PHF14: variants seen among roughly 807,000 people sequenced by gnomAD.
PHF14 encodes the protein PHD finger protein 14.
Under a neutral mutation model 117.9 loss-of-function variants are expected in PHF14, and 55 were observed. That is an observed-to-expected ratio of 0.47 (90% CI 0.38 to 0.58). PHF14 has a LOEUF of 0.58. Ranked by LOEUF, PHF14 falls within the 20% of genes least tolerant of loss-of-function variation. PHF14 has a pLI of 0.00. For missense variants in PHF14, 978 were observed against 1,122.2 expected (o/e 0.87, Z 1.84); for synonymous variants, 409 against 368.6 (o/e 1.11, Z -1.26).
intron 2 of PHF14, among the ~76,000 whole-genome samples, chr7:10,978,172 A>C (rs17163856): frequency 0.11 from 16,979 of 152,230 alleles, 1,169 homozygotes; most frequent in African/African-American, 0.2. Context: ...GACTTTGAAT[A>C]AGTGGACCAA....
At chr7:11,071,996 G>C (rs1785628339) in intron 16 of PHF14, among the ~76,000 whole-genome samples, 1 of 152,192 alleles carries the variant, frequency 6.6e-6, no homozygotes, top group Non-Finnish European at 1.5e-5. Flanking sequence ...TAAAATGAAT[G>C]ATTAAGTATG....
chr7:10,996,521 A>T (rs1002443664), intron 4 of PHF14, among the ~76,000 whole-genome samples: 1 of 152,212 alleles, frequency 6.6e-6, no homozygotes, highest in African/African-American at 2.4e-5. Flanking sequence ...TAATGTTTTT[A>T]AGAGTGGGAA....
At chr7:11,052,670 G>C (rs1213114088) in intron 14 of PHF14, among the ~76,000 whole-genome samples, 2 of 152,146 alleles carry the variant, frequency 1.3e-5, no homozygotes, top group Non-Finnish European at 2.9e-5. Context: ...AGGGAAAATA[G>C]TATCTTGACA....
rs1209715416 is a variant in PHF14 at position 11,078,884 on chromosome 7, G to A, written c.2654+16799G>A. On this transcript the variant is annotated intron_variant, in intron 16 of 17. Transcript: ENST00000634607. ...CTTTCTGTAAAACAAAGTAAATTGA[G>A]CTTTTAAATGGACTAAAATATGTAG... Among the ~76,000 whole-genome samples the A allele has an allele frequency of 5.9e-5, 9 of 152,120 alleles. No homozygotes were observed. In the East Asian group the frequency reaches 1.2e-3, roughly 20 times the overall value.
chr7:11,028,186 C>T (rs1183090630), intron 6 of PHF14, among the ~76,000 whole-genome samples: 6 of 152,128 alleles, frequency 3.9e-5, no homozygotes, highest in Admixed American at 3.3e-4. Context: ...ACACAATCAT[C>T]TGACACAAAA....
intron 17 of PHF14, among the ~76,000 whole-genome samples, chr7:11,113,098 G>A (rs545142586): frequency 4.4e-4 from 67 of 151,956 alleles, no homozygotes; most frequent in Non-Finnish European, 8.7e-4. Flanking sequence ...CCTACCCCCA[G>A]CAAACAAGTT....
chr7:11,003,267 C>G (rs758162376), intron 4 of PHF14, among the ~76,000 whole-genome samples: 1 of 152,182 alleles, frequency 6.6e-6, no homozygotes, highest in Non-Finnish European at 1.5e-5. Context: ...AAAGTTCACG[C>G]TAATAGCAGG....
chr7:11,111,296 G>A, intron 16 of PHF14, 54 bp from the exon 17 acceptor site: 1 of 812,018 alleles, frequency 1.2e-6, no homozygotes, highest in East Asian at 2.7e-5. Context: ...TCATGAAGTA[G>A]ATGGTTTTTA....
intron 3 of PHF14, among the ~76,000 whole-genome samples, chr7:10,989,076 T>C (rs1171274433): frequency 6.6e-6 from 1 of 152,190 alleles, no homozygotes; most frequent in Non-Finnish European, 1.5e-5. Flanking sequence ...ACCTATTTTA[T>C]TTGGTTTTAT....
chr7:11,163,137 G>A (rs1280362042), intron 17 of PHF14, among the ~76,000 whole-genome samples: 1 of 152,014 alleles, frequency 6.6e-6, no homozygotes, highest in African/African-American at 2.4e-5. Flanking sequence ...TCACTAAATA[G>A]AGAAAAAAGG....
intron 16 of PHF14, among the ~76,000 whole-genome samples, chr7:11,068,419 AAAAT>A (rs1785498113): frequency 6.6e-6 from 1 of 152,042 alleles, no homozygotes; most frequent in African/African-American, 2.4e-5. Context: ...TATGCTAAGT[AAAAT>A]AAACCAGTTA....
At position 10,974,087 on chromosome 7, in the gene PHF14, C is replaced by T; in HGVS notation, c.-237C>T. 2 of 500,406 alleles carry T rather than the reference C, an allele frequency of 4.0e-6. No homozygotes were observed. The highest frequency in any genetic ancestry group is 7.2e-6 in the Non-Finnish European group (2 of 277,130). 31.0% of individuals were successfully genotyped at this position (500,406 alleles called of 1,614,324 possible). Reference sequence around the variant, plus strand: ...GCCTGGGCCGGAGGTCTTCTCCGGCCAGGGAGCGCTGTGGGAAGGGGCTCG... The same window carrying T: ...GCCTGGGCCGGAGGTCTTCTCCGGCTAGGGAGCGCTGTGGGAAGGGGCTCG... On this transcript the variant is annotated 5_prime_UTR_variant, in exon 1 of 18. Transcript: ENST00000634607.
intron 17 of PHF14, among the ~76,000 whole-genome samples, chr7:11,120,896 G>A (rs149016582): frequency 6.6e-5 from 10 of 152,078 alleles, no homozygotes; most frequent in African/African-American, 2.2e-4. Flanking sequence ...TTTTACTGAC[G>A]ACATATTTTA....
At chr7:11,058,812 A>G (rs1175467266) in intron 14 of PHF14, among the ~76,000 whole-genome samples, 1 of 152,234 alleles carries the variant, frequency 6.6e-6, no homozygotes, top group African/African-American at 2.4e-5. Context: ...CACTGAAGTG[A>G]CAGTTGAGAT....
chr7:11,055,640 T>C (rs1342664806), intron 14 of PHF14, among the ~76,000 whole-genome samples: 2 of 152,196 alleles, frequency 1.3e-5, no homozygotes, highest in Non-Finnish European at 2.9e-5. Context: ...CTAATCGTTT[T>C]TCCATCGCAC....
In PHF14 at chr7:11,063,675, T is replaced by C. The variant is rs529802481; in HGVS notation, c.2654+1590T>C. On this transcript the variant is annotated intron_variant, in intron 16 of 17. Coordinates refer to ENST00000634607, the MANE Select transcript of PHF14 (RefSeq NM_001007157.2). ...GTTTTTATTAGGTTTTTTGTTTTGC[T>C]TTTGTCATATATTGGAAATTAGGAA... is the stretch of plus-strand genomic sequence containing the variant. 4.0e-3 allele frequency: 3,807 copies of C among 947,700 alleles called. 11 individuals are homozygous for C. The highest frequency in any genetic ancestry group is 4.6e-3 in the Non-Finnish European group (3,628 of 795,858). The allele number at this position is 947,700 out of a possible 1,614,324, so 58.7% of individuals were successfully genotyped here. A position where few individuals can be genotyped will look rare whatever the true frequency, so the allele number is the denominator to read the frequency against.
intron 17 of PHF14, among the ~76,000 whole-genome samples, chr7:11,125,705 T>C (rs1787909773): frequency 6.6e-6 from 1 of 152,052 alleles, no homozygotes; most frequent in African/African-American, 2.4e-5. Flanking sequence ...TTACAAGTTG[T>C]TTTATGTTTA....
chr7:11,063,805 A>C (rs2128330316), intron 16 of PHF14: 1 of 437,018 alleles, frequency 2.3e-6, no homozygotes, highest in East Asian at 1.6e-4. Flanking sequence ...AATTTTGATA[A>C]GATTTTTGAA....
At chr7:11,159,850 A>G (rs959254052) in intron 17 of PHF14, among the ~76,000 whole-genome samples, 7 of 152,208 alleles carry the variant, frequency 4.6e-5, no homozygotes, top group African/African-American at 1.7e-4. Context: ...ATTCCTTTTT[A>G]TTCAAAATGC....
Sources: gnomAD v4.1 joint callset for allele counts (sites outside exome capture counted in the v4.1 genomes callset) on GRCh38, gnomAD v4.1.1 for gene constraint, MANE v1.5 for transcripts, NCBI Gene and HGNC (gene_info 2026-07-23, HGNC 2026-07-21) for gene names.